Variants in HPSE observed in about 807,000 individuals in gnomAD.
The protein encoded by HPSE is heparanase.
HPSE carries 48 observed loss-of-function variants against 65.1 expected under a neutral mutation model. The observed-to-expected ratio is 0.74, with a 90% CI of 0.58 to 0.94. The LOEUF (loss-of-function observed/expected upper bound fraction) is 0.94, where lower values mean the gene tolerates loss of function less well. Among genes scored for constraint, HPSE ranks in the 40% least tolerant of loss-of-function variants. The probability of loss-of-function intolerance (pLI) is 0.00; values close to 1 mark genes in which losing one functional copy is unlikely to be tolerated. For synonymous variants in HPSE, 243 were observed against 260.0 expected, an observed-to-expected ratio of 0.93 and a Z score of 0.63; for missense variants, 644 against 637.5, an observed-to-expected ratio of 1.01 and a Z score of -0.11.
chr4:83,331,864 T>C (rs962814231), intron 1 of HPSE, among the ~76,000 whole-genome samples: 1 of 152,198 alleles, frequency 6.6e-6, no homozygotes, highest in African/African-American at 2.4e-5. Context: ...CTTTAAAAAA[T>C]ATAATCTGCT....
At chr4:83,328,399 A>G (rs1737233065) in intron 1 of HPSE, among the ~76,000 whole-genome samples, 1 of 152,148 alleles carries the variant, frequency 6.6e-6, no homozygotes, top group Non-Finnish European at 1.5e-5. Flanking sequence ...GACATCAGTC[A>G]TATTAGATAA....
intron 5 of HPSE, 66 bp from the exon 6 acceptor site, chr4:83,310,144 A>C: frequency 9.3e-7 from 1 of 1,072,056 alleles, no homozygotes; most frequent in Non-Finnish European, 1.4e-6. Context: ...TACGCATGAG[A>C]GTTTTATTCC....
intron 8 of HPSE, among the ~76,000 whole-genome samples, chr4:83,308,046 T>C (rs1276412106): frequency 6.6e-6 from 1 of 151,994 alleles, no homozygotes; most frequent in African/African-American, 2.4e-5. Flanking sequence ...TATAGCTACA[T>C]ACACTAAGTA....
chr4:83,331,148 G>A (rs1737354074), intron 1 of HPSE, among the ~76,000 whole-genome samples: 2 of 152,028 alleles, frequency 1.3e-5, no homozygotes, highest in South Asian at 4.1e-4. Context: ...AGGTTGCAGT[G>A]AGCCGAGGTA....
At chr4:83,310,611 G>T in intron 5 of HPSE, 111 bp downstream of exon 5, 1 of 958,614 alleles carries the variant, frequency 1.0e-6, no homozygotes, top group African/African-American at 1.6e-5. Context: ...GGTCGAAGTT[G>T]CAGTGAGCCA....
chr4:83,295,838 G>T lies in HPSE; in HGVS notation c.1473-335C>A, dbSNP rs185110395. On this transcript the variant is annotated intron_variant, in intron 11 of 11. Transcript: ENST00000311412. The stretch of plus-strand genomic sequence containing the variant: ...AAGGATAAACATGACACAACTTCTG[G>T]AATGGTGGCTATTTTATTTAATGGC... 1.7e-3 allele frequency among the ~76,000 whole-genome samples: 259 copies of T among 152,300 alleles called. 1 individual carries two copies. Among genetic ancestry groups the T allele is most frequent in the African/African-American group, 6.0e-3 (250 of 41,550 alleles).
rs760751826 is a variant in HPSE, at chr4:83,308,891, C to T, written c.1045G>A (p.Gly349Arg). 65 of 1,614,072 alleles carry T rather than the reference C, an allele frequency of 4.0e-5. 1 individual carries two copies. In the Admixed American group the frequency reaches 1.0e-3, roughly 25 times the overall value. The change falls in exon 8 of 12, where the codon GGA (glycine) becomes AGA (arginine). Residue 349 changes from glycine (G) to arginine (R), a missense_variant. Coordinates refer to ENST00000311412, the MANE Select transcript of HPSE (RefSeq NM_001098540.3). Reference protein sequence around the residue: ...VWLGETSSAYGGGAPLLSDTF... With the variant: ...VWLGETSSAYRGGAPLLSDTF... ...TCGGATAGCAAGGGCGCTCCGCCTC[C>T]ATATGCAGAGCTTGTTTCTCCTAAC... is the stretch of plus-strand genomic sequence containing the variant.
chr4:83,317,948 C>T (rs557312571), intron 3 of HPSE, among the ~76,000 whole-genome samples: 30 of 152,250 alleles, frequency 2.0e-4, no homozygotes, highest in Non-Finnish European at 2.5e-4. Context: ...GAGTAGATCG[C>T]CCTCTTAAAA....
rs1373741253 is a variant in HPSE at position 83,294,680 on chromosome 4, GC to G, written c.*663del. The G allele has an allele frequency of 6.6e-6, 1 of 152,222 alleles. No homozygotes were observed. The highest frequency in any genetic ancestry group is 1.9e-4 in the East Asian group (1 of 5,198). The allele number at this position is 152,222 out of a possible 1,614,324, so 9.4% of individuals were successfully genotyped here. On this transcript the variant is annotated 3_prime_UTR_variant, in exon 12 of 12. Coordinates refer to ENST00000311412, the MANE Select transcript of HPSE (RefSeq NM_001098540.3). Reference sequence around the variant, plus strand: ...GAGGCTAAGCAGGAGGATGACTTGAGCCCAGGAGTTAAAAGGCTGCAGTGAT... The same window carrying G: ...GAGGCTAAGCAGGAGGATGACTTGAGCCAGGAGTTAAAAGGCTGCAGTGAT...
At chr4:83,312,773 A>G (rs1483382247) in intron 4 of HPSE, among the ~76,000 whole-genome samples, 2 of 142,124 alleles carry the variant, frequency 1.4e-5, no homozygotes, top group Non-Finnish European at 3.1e-5. Context: ...CGAGGAGGGC[A>G]GATCACGAGG....
At chr4:83,324,778 A>T (rs193280096) in intron 1 of HPSE, among the ~76,000 whole-genome samples, 5 of 152,318 alleles carry the variant, frequency 3.3e-5, no homozygotes, top group Non-Finnish European at 7.4e-5. Context: ...AAAACAGAGG[A>T]TGCACTATTG....
At chr4:83,322,847 G>GTGTGTGTGT (rs1736978219) in intron 1 of HPSE, among the ~76,000 whole-genome samples, 1 of 148,982 alleles carries the variant, frequency 6.7e-6, no homozygotes, top group Non-Finnish European at 1.5e-5. Flanking sequence ...GTTTGTGTGT[G>GTGTGTGTGT]GAGGGATGGG....
intron 11 of HPSE, among the ~76,000 whole-genome samples, chr4:83,297,753 T>G (rs975303123): frequency 3.9e-5 from 6 of 152,212 alleles, no homozygotes; most frequent in Non-Finnish European, 7.3e-5. Flanking sequence ...GAGTTGGTTT[T>G]GTTTAAAAGC....
At chr4:83,310,454 C>T (rs903280683) in intron 5 of HPSE, among the ~76,000 whole-genome samples, 13 of 151,464 alleles carry the variant, frequency 8.6e-5, no homozygotes, top group African/African-American at 3.2e-4. Flanking sequence ...ATGGCTTGAG[C>T]ACAGGAATTC....
intron 2 of HPSE, among the ~76,000 whole-genome samples, chr4:83,321,241 A>T (rs1036695440): frequency 6.6e-6 from 1 of 152,116 alleles, no homozygotes; most frequent in African/African-American, 2.4e-5. Context: ...AAACAACTCC[A>T]ACCTGGTATT....
intron 1 of HPSE, among the ~76,000 whole-genome samples, chr4:83,323,589 T>C (rs1157485162): frequency 1.3e-5 from 2 of 152,168 alleles, no homozygotes; most frequent in African/African-American, 4.8e-5. Flanking sequence ...GAGAAGTTTA[T>C]AAATGACTTA....
At chr4:83,330,773 T>C (rs1737330185) in intron 1 of HPSE, among the ~76,000 whole-genome samples, 1 of 152,216 alleles carries the variant, frequency 6.6e-6, no homozygotes, top group African/African-American at 2.4e-5. Context: ...TTAGGATTTC[T>C]ACCACCGACT....
At chr4:83,319,226 G>T in intron 3 of HPSE, 118 bp downstream of exon 3, 2 of 993,060 alleles carry the variant, frequency 2.0e-6, no homozygotes, top group Non-Finnish European at 3.0e-6. Flanking sequence ...TTTGGGAAAT[G>T]CTTCAGTATT....
At position 83,295,442 on chromosome 4, in the gene HPSE, T is replaced by C. The variant is rs1735688286; in HGVS notation, c.1534A>G (p.Met512Val). 1 of 1,613,230 alleles carries C rather than the reference T, an allele frequency of 6.2e-7. No individual in the cohort carries two copies. Among genetic ancestry groups the C allele is most frequent in the Admixed American group, 1.7e-5 (1 of 59,966 alleles). The change falls in exon 12 of 12, where the codon ATG becomes GTG. Residue 512 changes from methionine (M) to valine (V), a missense_variant. Transcript: ENST00000311412. ...CTTCCTGGCCGGAGAGGTTTTTCCA[T>C]TAAAGGTGGCAAGGTTTGATCATCC... is the stretch of plus-strand genomic sequence containing the variant. ...MVDDQTLPPL[M>V]EKPLRPGSSL...
Sources: gnomAD v4.1 joint callset for allele counts (sites outside exome capture counted in the v4.1 genomes callset) on GRCh38, gnomAD v4.1.1 for gene constraint, MANE v1.5 for transcripts, NCBI Gene and HGNC (gene_info 2026-07-23, HGNC 2026-07-21) for gene names.